Variants in C18orf54 observed in about 807,000 individuals in gnomAD.
C18orf54 encodes chromosome 18 open reading frame 54.
In C18orf54, 49 loss-of-function variants were observed where a neutral mutation model predicts 49.3. The observed-to-expected ratio is 0.99, with a 90% confidence interval of 0.79 to 1.26. C18orf54 has a LOEUF of 1.26. Ranked by LOEUF, C18orf54 falls within the 50% of genes most tolerant of loss-of-function variation. C18orf54 has a pLI of 0.00. For missense variants in C18orf54, 687 were observed against 620.6 expected (o/e 1.11, Z -1.14); for synonymous variants, 211 against 216.6 (o/e 0.97, Z 0.23).
intron 5 of C18orf54, among the ~76,000 whole-genome samples, chr18:54,364,243 G>C (rs892385368): frequency 2.0e-5 from 3 of 151,710 alleles, no homozygotes; most frequent in Non-Finnish European, 4.4e-5. Flanking sequence ...CTTGTTCTGT[G>C]TATTAATAAA....
At chr18:54,367,785 G>C (rs767962641) in intron 6 of C18orf54, among the ~76,000 whole-genome samples, 7 of 152,044 alleles carry the variant, frequency 4.6e-5, no homozygotes, top group Non-Finnish European at 8.8e-5. Context: ...ATTTCATTAG[G>C]TTTTCTGTGC....
chr18:54,371,814 A>G (rs928506500), intron 6 of C18orf54, among the ~76,000 whole-genome samples: 3 of 152,134 alleles, frequency 2.0e-5, no homozygotes, highest in South Asian at 2.1e-4. Context: ...AGCTGTTAGG[A>G]CACAGAAACT....
At position 54,365,718 on chromosome 18, in the gene C18orf54, G is replaced by T; in HGVS notation, c.1224-1G>T. ...TCTTGCATCCTTTAAATCCTGTTTA[G>T]CAAATCTCCTGTTCCCGTTAACTCT... is the stretch of plus-strand genomic sequence containing the variant. On this transcript the variant is annotated splice_acceptor_variant, in intron 5 of 8. Transcript: ENST00000620105. LOFTEE classifies it high-confidence loss of function. 6.4e-7 allele frequency: 1 copy of T among 1,569,148 alleles called. No homozygotes were observed. Among genetic ancestry groups the T allele is most frequent in the South Asian group, 1.2e-5 (1 of 84,908 alleles).
Position 54,380,639 on chromosome 18 carries a change from A to G in C18orf54, c.*2393A>G, listed in dbSNP as rs761082952. ...GTTTTCCTGGGTTTGTTTTGGGTAT[A>G]TGTCATTATAGTTATGTTATTTCTT... On this transcript the variant is annotated 3_prime_UTR_variant, in exon 9 of 9. Coordinates refer to ENST00000620105, the MANE Select transcript of C18orf54 (RefSeq NM_001288980.2). The G allele has an allele frequency of 3.9e-5, 6 of 152,096 alleles. No homozygotes were observed. Among genetic ancestry groups the G allele is most frequent in the Non-Finnish European group, 7.4e-5 (5 of 67,966 alleles). The allele number at this position is 152,096 out of a possible 1,614,324, so 9.4% of individuals were successfully genotyped here.
At chr18:54,377,745 T>G (rs1406026997) in intron 8 of C18orf54, among the ~76,000 whole-genome samples, 5 of 152,244 alleles carry the variant, frequency 3.3e-5, no homozygotes, top group Non-Finnish European at 5.9e-5. Flanking sequence ...ATAGCTATCT[T>G]GAATGTAAAT....
rs749243502 is a variant in C18orf54, at chr18:54,361,775, A to G, written c.416A>G (p.Tyr139Cys). 6.8e-6 allele frequency: 11 copies of G among 1,613,944 alleles called. No homozygotes were observed. Among genetic ancestry groups the G allele is most frequent in the Non-Finnish European group, 8.5e-6 (10 of 1,179,986 alleles). ...CTCCCAGCAGATGGATCATTTTCTTATACTTATGTTGGACCGAGTCACCGA... is the reference window on the plus strand; with the variant it reads ...CTCCCAGCAGATGGATCATTTTCTTGTACTTATGTTGGACCGAGTCACCGA... ...LRLPADGSFS[Y>C]TYVGPSHRTS... is the part of the protein sequence containing the mutation. Residue 139 changes from tyrosine to cysteine, a missense_variant, in exon 4 of 9, where the codon TAT becomes TGT. Tyr to Cys is a radical substitution (Grantham distance 194, BLOSUM62 -2). Coordinates refer to ENST00000620105, the MANE Select transcript of C18orf54 (RefSeq NM_001288980.2).
rs1260454672 is a variant in C18orf54 at position 54,380,742 on chromosome 18, G to A, written c.*2496G>A. On this transcript the variant is annotated 3_prime_UTR_variant, in exon 9 of 9. Coordinates refer to ENST00000620105, the MANE Select transcript of C18orf54 (RefSeq NM_001288980.2). ...ATAATGTGTTATTACATTATATGTA[G>A]TTATACCAAAATATTGCCTGAAGAT... 2 of 152,042 alleles carry A rather than the reference G, an allele frequency of 1.3e-5. No homozygotes were observed. Among genetic ancestry groups the A allele is most frequent in the African/African-American group, 4.8e-5 (2 of 41,414 alleles). The allele number at this position is 152,042 out of a possible 1,614,324, so 9.4% of individuals were successfully genotyped here.
intron 6 of C18orf54, 109 bp downstream of exon 6, chr18:54,365,930 C>T (rs1450166379): frequency 2.2e-5 from 10 of 446,556 alleles, no homozygotes; most frequent in Non-Finnish European, 3.4e-5. Flanking sequence ...CTCAAATCTT[C>T]TCCTCTCAAA....
chr18:54,363,229 T>G (rs926065435), intron 5 of C18orf54, among the ~76,000 whole-genome samples: 8 of 152,228 alleles, frequency 5.3e-5, no homozygotes, highest in African/African-American at 1.7e-4. Flanking sequence ...AGTAGTGTTA[T>G]GAAATTCTTG....
chr18:54,361,746 A>G lies in C18orf54; in HGVS notation c.387A>G (p.Leu129=), dbSNP rs1475116053. 6.2e-7 allele frequency: 1 copy of G among 1,613,962 alleles called. No individual in the cohort carries two copies. Among genetic ancestry groups the G allele is most frequent in the Non-Finnish European group, 8.5e-7 (1 of 1,179,942 alleles). ...TGAGCCTAACAACTGATGATCTATTAAGACTCCCAGCAGATGGATCATTTT... is the reference window on the plus strand; with the variant it reads ...TGAGCCTAACAACTGATGATCTATTGAGACTCCCAGCAGATGGATCATTTT... ...DSMSLTTDDL[L]RLPADGSFSY... Residue 129 remains leucine, a synonymous_variant, in exon 4 of 9, where the codon TTA becomes TTG. Coordinates refer to ENST00000620105, the MANE Select transcript of C18orf54 (RefSeq NM_001288980.2).
chr18:54,367,242 T>C (rs556333342), intron 6 of C18orf54, among the ~76,000 whole-genome samples: 2 of 152,252 alleles, frequency 1.3e-5, no homozygotes, highest in African/African-American at 4.8e-5. Context: ...CTTCCTTTTT[T>C]CCCCTCATAT....
intron 6 of C18orf54, among the ~76,000 whole-genome samples, chr18:54,367,916 A>G (rs776846448): frequency 9.9e-5 from 15 of 152,178 alleles, no homozygotes; most frequent in Middle Eastern, 3.4e-3. Context: ...GTAATTTCAA[A>G]TGACTTATCC....
At chr18:54,359,338 G>C (rs1351738550) in intron 2 of C18orf54, among the ~76,000 whole-genome samples, 1 of 152,170 alleles carries the variant, frequency 6.6e-6, no homozygotes, top group African/African-American at 2.4e-5. Flanking sequence ...TTAGCCATTC[G>C]TCAGAGATAT....
chr18:54,365,332 C>T (rs2089360326), intron 5 of C18orf54, among the ~76,000 whole-genome samples: 1 of 151,950 alleles, frequency 6.6e-6, no homozygotes, highest in South Asian at 2.1e-4. Flanking sequence ...CTAGTAAAAA[C>T]TTTTAAGAGT....
chr18:54,365,621 C>G (rs748500557), intron 5 of C18orf54, 98 bp from the exon 6 acceptor site: 2 of 597,506 alleles, frequency 3.3e-6, no homozygotes, highest in East Asian at 5.5e-5. Flanking sequence ...TTCTTGGTGA[C>G]TACTTGTATT....
In C18orf54 at chr18:54,362,208, T is replaced by G. The variant is rs1270569191; in HGVS notation, c.849T>G (p.Phe283Leu). 6.5e-7 allele frequency: 1 copy of G among 1,536,172 alleles called. No individual in the cohort carries two copies. The highest frequency in any genetic ancestry group is 2.4e-5 in the East Asian group (1 of 40,926). Residue 283 changes from phenylalanine to leucine, a missense_variant, in exon 4 of 9, where the codon TTT (phenylalanine) becomes TTG (leucine). Physicochemically the swap from Phe to Leu is conservative, Grantham distance 22. Transcript: ENST00000620105. ...DANSQRVYQI[F>L]KDDQCSPRHS... ...ATAGTCAAAGGGTTTATCAGATATT[T>G]AAAGATGATCAGTGTTCCCCTAGAC...
At position 54,378,251 on chromosome 18, in the gene C18orf54, GA is replaced by G; in HGVS notation, c.*9del. On this transcript the variant is annotated 3_prime_UTR_variant, in exon 9 of 9. Coordinates refer to ENST00000620105, the MANE Select transcript of C18orf54 (RefSeq NM_001288980.2). ...GAACGGTCACCGAAAATGTGAAGAG[GA>G]AAATGAAACTGTCACCACAATGAAT... is the stretch of plus-strand genomic sequence containing the variant. 1 of 1,611,286 alleles carries G rather than the reference GA, an allele frequency of 6.2e-7. No individual in the cohort carries two copies. Among genetic ancestry groups the G allele is most frequent in the Non-Finnish European group, 8.5e-7 (1 of 1,177,832 alleles).
At chr18:54,376,038 C>T (rs1005640215) in intron 8 of C18orf54, among the ~76,000 whole-genome samples, 6 of 152,128 alleles carry the variant, frequency 3.9e-5, no homozygotes, top group African/African-American at 1.4e-4. Context: ...TCAAATATTT[C>T]AAATGTATTT....
rs2089302094 is a variant in C18orf54, at chr18:54,362,933, G to A, written c.1223+12G>A. On this transcript the variant is annotated intron_variant, in intron 5 of 8. Transcript: ENST00000620105. ...ATTCCTGTTACTTTGTAAGTAAGTGGCAATGGAAAAACTGTTTAGTTTTCC... is the reference window on the plus strand; with the variant it reads ...ATTCCTGTTACTTTGTAAGTAAGTGACAATGGAAAAACTGTTTAGTTTTCC... 2 of 1,580,778 alleles carry A rather than the reference G, an allele frequency of 1.3e-6. No individual in the cohort carries two copies. The highest frequency in any genetic ancestry group is 2.0e-5 in the Admixed American group (1 of 48,974).
Sources: allele counts gnomAD v4.1 joint callset (sites outside exome capture counted in the v4.1 genomes callset), GRCh38; gene constraint gnomAD v4.1.1; transcripts MANE v1.5; gene names NCBI Gene and HGNC (gene_info 2026-07-23, HGNC 2026-07-21).